The following GTPBP8 variants were observed in gnomAD, a reference collection of about 807,000 sequenced individuals.
GTPBP8 encodes the protein GTP-binding protein 8.
A neutral mutation model predicts 27.3 loss-of-function variants in GTPBP8; 21 were observed. The observed-to-expected ratio is 0.77, with a 90% CI of 0.55 to 1.11. The LOEUF is 1.11. Among genes scored for constraint, GTPBP8 ranks in the 50% least tolerant of loss-of-function variants. The pLI is 0.00. For missense variants in GTPBP8, 380 were observed against 350.8 expected, an observed-to-expected ratio of 1.08 and a Z score of -0.67; for synonymous variants, 147 against 135.3, an observed-to-expected ratio of 1.09 and a Z score of -0.60.
chr3:112,991,125 G>A lies in GTPBP8; in HGVS notation c.126G>A (p.Gln42=). Residue 42 remains glutamine, a synonymous_variant, in exon 1 of 6, where the codon CAG becomes CAA. Transcript: ENST00000383678. ...CTGAGGTGCTGCGGCTGCCGAAGCAGCAGCTGAGGAAGCTGCTGTACCCGC... is the reference window on the plus strand; with the variant it reads ...CTGAGGTGCTGCGGCTGCCGAAGCAACAGCTGAGGAAGCTGCTGTACCCGC... ...AFAEVLRLPK[Q]QLRKLLYPLQ... The A allele has an allele frequency of 6.2e-7, 1 of 1,613,782 alleles. No individual in the cohort carries two copies. Among genetic ancestry groups the A allele is most frequent in the Non-Finnish European group, 8.5e-7 (1 of 1,180,010 alleles).
chr3:112,995,081 C>T (rs907722341), intron 2 of GTPBP8, 54 bp from the exon 3 acceptor site: 21 of 1,317,148 alleles, frequency 1.6e-5, no homozygotes, highest in Middle Eastern at 3.9e-4. Flanking sequence ...GAATCATTAA[C>T]TAGATGGAGG....
At position 112,996,203 on chromosome 3, in the gene GTPBP8, A is replaced by T. The variant is rs566110449; in HGVS notation, c.567-689A>T. On this transcript the variant is annotated intron_variant, in intron 3 of 5. Coordinates refer to ENST00000383678, the MANE Select transcript of GTPBP8 (RefSeq NM_014170.4). ...ACCAGGCACGCCGGCTCACGCCTGT[A>T]ATCTCAGCACTTTGGGAGGCCGAGG... Among the ~76,000 whole-genome samples the T allele has an allele frequency of 1.3e-3, 204 of 152,318 alleles. 1 individual carries two copies. Among genetic ancestry groups the T allele is most frequent in the African/African-American group, 4.5e-3 (188 of 41,568 alleles).
chr3:113,000,894 C>A lies in GTPBP8; in HGVS notation c.830C>A (p.Ala277Asp). Residue 277 changes from alanine (A) to aspartate (D), a missense_variant, in exon 6 of 6, where the codon GCC (alanine) becomes GAC (aspartate). Physicochemically the swap from Ala to Asp is moderately radical, Grantham distance 126. Transcript: ENST00000383678. ...ATCCACCTGTTGAGATGCTTTATAG[C>A]CAGTGTAACAGGAAGTCTTGACTAA... Reference protein sequence around the residue: ...SGIHLLRCFIASVTGSLD With the variant: ...SGIHLLRCFIDSVTGSLD The A allele has an allele frequency of 6.3e-7, 1 of 1,594,776 alleles. No individual in the cohort carries two copies. Among genetic ancestry groups the A allele is most frequent in the Non-Finnish European group, 8.6e-7 (1 of 1,164,940 alleles).
Position 112,995,133 on chromosome 3 carries a change from A to G in GTPBP8, c.436-2A>G. ...CTTTTCTTTTTCTATTTACTTTATC[A>G]GGGACACACAAAGAAAATGAATTTT... is the stretch of plus-strand genomic sequence containing the variant. On this transcript the variant is annotated splice_acceptor_variant, in intron 2 of 5. Transcript: ENST00000383678. LOFTEE classifies it high-confidence loss of function. 1 of 1,584,692 alleles carries G rather than the reference A, an allele frequency of 6.3e-7. No individual in the cohort carries two copies. Among genetic ancestry groups the G allele is most frequent in the African/African-American group, 1.4e-5 (1 of 73,576 alleles).
At chr3:112,998,757 A>G (rs1370832101) in intron 4 of GTPBP8, among the ~76,000 whole-genome samples, 1 of 152,206 alleles carries the variant, frequency 6.6e-6, no homozygotes, top group Non-Finnish European at 1.5e-5. Flanking sequence ...GAAAGGAACC[A>G]TGGACATAAA....
At chr3:112,994,378 G>A (rs570893875) in intron 2 of GTPBP8, among the ~76,000 whole-genome samples, 1 of 149,732 alleles carries the variant, frequency 6.7e-6, no homozygotes, top group African/African-American at 2.5e-5. Flanking sequence ...AGCTGAGATT[G>A]CACCATTGCA....
chr3:112,994,964 CTCCAGCCATT>C (rs1933755951), intron 2 of GTPBP8, among the ~76,000 whole-genome samples, 161 bp from the exon 3 acceptor site: 1 of 152,164 alleles, frequency 6.6e-6, no homozygotes, highest in African/African-American at 2.4e-5. Flanking sequence ...CTAAACTTAT[CTCCAGCCATT>C]TCCCTTCTGT....
intron 2 of GTPBP8, among the ~76,000 whole-genome samples, chr3:112,994,770 A>G (rs1277258888): frequency 6.6e-6 from 1 of 152,214 alleles, no homozygotes; most frequent in Non-Finnish European, 1.5e-5. Flanking sequence ...GTGGAGATAC[A>G]TTGTTCATCA....
In GTPBP8 at chr3:113,000,492, A is replaced by G. The variant is rs79980792; in HGVS notation, c.786-358A>G. The stretch of plus-strand genomic sequence containing the variant: ...ATAGGAAGACAGATAGATAAATAAT[A>G]TGTACAATAATGGTGATGGTAATTT... On this transcript the variant is annotated intron_variant, in intron 5 of 5. Transcript: ENST00000383678. 4.3e-3 allele frequency among the ~76,000 whole-genome samples: 651 copies of G among 152,332 alleles called. 8 individuals are homozygous for G. Among genetic ancestry groups the G allele is most frequent in the African/African-American group, 0.015 (618 of 41,576 alleles).
At chr3:112,999,005 C>A (rs868432544) in intron 4 of GTPBP8, among the ~76,000 whole-genome samples, 12 of 152,254 alleles carry the variant, frequency 7.9e-5, no homozygotes, top group African/African-American at 2.4e-4. Context: ...GTAGATAGAA[C>A]CTACAAATAG....
At position 112,997,332 on chromosome 3, in the gene GTPBP8, C is replaced by T. The variant is rs6797478; in HGVS notation, c.666+341C>T. ...AAAGTTAGTAGCTCTTTAACAGCAG[C>T]GTGGCAGATAGTACTTATAAGAATG... On this transcript the variant is annotated intron_variant, in intron 4 of 5. Transcript: ENST00000383678. Among the ~76,000 whole-genome samples, 1,437 of 152,222 alleles carry T rather than the reference C, an allele frequency of 9.4e-3. 7 individuals carry two copies. The highest frequency in any genetic ancestry group is 0.016 in the Non-Finnish European group (1,085 of 67,994).
At chr3:112,995,340 CAT>C (rs755293213) in intron 3 of GTPBP8, 75 bp downstream of exon 3, 590 of 870,852 alleles carry the variant, frequency 6.8e-4, no homozygotes, top group Non-Finnish European at 9.5e-4. Context: ...GTATTATACA[CAT>C]GATTAACACT....
At position 112,991,213 on chromosome 3, in the gene GTPBP8, G is replaced by A. The variant is rs549530387; in HGVS notation, c.214G>A (p.Asp72Asn). 6.2e-7 allele frequency: 1 copy of A among 1,614,154 alleles called. No homozygotes were observed. Among genetic ancestry groups the A allele is most frequent in the South Asian group, 1.1e-5 (1 of 91,076 alleles). ...GCAAGACCTTCACCTGCGTATCTTT[G>A]ACCCAAGCCCGGAGGACATAGCCAG... ...GRQDLHLRIFDPSPEDIARAD... is the reference protein window; with the variant it reads ...GRQDLHLRIFNPSPEDIARAD... Residue 72 changes from aspartate to asparagine, a missense_variant, in exon 1 of 6, where the codon GAC becomes AAC. Asp to Asn is a conservative substitution (Grantham distance 23). Transcript: ENST00000383678.
chr3:112,996,472 A>G (rs1280976463), intron 3 of GTPBP8, among the ~76,000 whole-genome samples: 1 of 150,236 alleles, frequency 6.7e-6, no homozygotes, highest in Non-Finnish European at 1.5e-5. Context: ...TAAAAAAACA[A>G]AAAAAAAAAT....
chr3:112,993,161 T>G, intron 2 of GTPBP8, 37 bp downstream of exon 2: 7 of 961,556 alleles, frequency 7.3e-6, no homozygotes, highest in African/African-American at 1.6e-5. Flanking sequence ...GGACTATCTC[T>G]TGGATTAACT....
chr3:112,992,090 A>G (rs555448409), intron 1 of GTPBP8: 1 of 152,384 alleles, frequency 6.6e-6, no homozygotes, highest in East Asian at 1.9e-4. Flanking sequence ...AGAGTACCTC[A>G]ATTATTTAAT....
chr3:113,000,928 G>C lies in GTPBP8; in HGVS notation c.*9G>C, dbSNP rs759886445. The C allele has an allele frequency of 2.7e-6, 4 of 1,465,584 alleles. No individual in the cohort carries two copies. Among genetic ancestry groups the C allele is most frequent in the Non-Finnish European group, 9.4e-7 (1 of 1,066,870 alleles). The allele number at this position is 1,465,584 out of a possible 1,614,324, so 90.8% of individuals were successfully genotyped here. Reference sequence around the variant, plus strand: ...CAGGAAGTCTTGACTAATGGTTCCCGGTTTAGCTGAAGATTCAAAAAAAAA... The same window carrying C: ...CAGGAAGTCTTGACTAATGGTTCCCCGTTTAGCTGAAGATTCAAAAAAAAA... On this transcript the variant is annotated 3_prime_UTR_variant, in exon 6 of 6. Transcript: ENST00000383678.
chr3:113,000,214 C>A (rs1933865831), intron 5 of GTPBP8, among the ~76,000 whole-genome samples: 1 of 151,876 alleles, frequency 6.6e-6, no homozygotes, highest in Admixed American at 6.6e-5. Context: ...CATGGTGAAA[C>A]CCCATCTCTA....
intron 3 of GTPBP8, among the ~76,000 whole-genome samples, chr3:112,996,597 A>C (rs1195671397): frequency 1.3e-5 from 2 of 152,192 alleles, no homozygotes; most frequent in African/African-American, 4.8e-5. Context: ...CTTTTAGAGG[A>C]GGGAACTCAC....
Sources: allele counts gnomAD v4.1 joint callset (sites outside exome capture counted in the v4.1 genomes callset), GRCh38; gene constraint gnomAD v4.1.1; transcripts MANE v1.5; gene names NCBI Gene and HGNC (gene_info 2026-07-23, HGNC 2026-07-21).